Variants in BIN3 observed in about 807,000 individuals in gnomAD.
BIN3 encodes bridging integrator 3.
A neutral mutation model predicts 38.2 loss-of-function variants in BIN3; 41 were observed. The observed-to-expected ratio is 1.07, with a 90% confidence interval of 0.84 to 1.39. The LOEUF is 1.39. Ranked by LOEUF, BIN3 falls within the 40% of genes most tolerant of loss-of-function variation. The pLI is 0.00. For synonymous variants in BIN3, 145 were observed against 122.6 expected (o/e 1.18, Z -1.21); for missense variants, 361 against 324.3 (o/e 1.11, Z -0.87).
chr8:22,646,199 T>A (rs79202935), intron 1 of BIN3, among the ~76,000 whole-genome samples: 2,362 of 152,296 alleles, frequency 0.016, 23 homozygotes, highest in Non-Finnish European at 0.024. Flanking sequence ...GAGGCCAGGC[T>A]AGAAAGTGCA....
rs190878465 is a variant in BIN3 at position 22,656,267 on chromosome 8, G to A, written c.9-11464C>T. On this transcript the variant is annotated intron_variant, in intron 1 of 8. Transcript: ENST00000276416. Reference sequence around the variant, plus strand: ...TATCCATCTCCTCTACATTTATTTCGTTAAATATTAAGATCCCAAAATAAC... The same window carrying A: ...TATCCATCTCCTCTACATTTATTTCATTAAATATTAAGATCCCAAAATAAC... Among the ~76,000 whole-genome samples, 164 of 124,804 alleles carry A rather than the reference G, an allele frequency of 1.3e-3. 1 individual carries two copies. Among genetic ancestry groups the A allele is most frequent in the Middle Eastern group, 5.3e-3 (1 of 190 alleles). 81.9% of individuals were successfully genotyped at this position (124,804 alleles called of 152,430 possible). A position where few individuals can be genotyped will look rare whatever the true frequency, so the allele number is the denominator to read the frequency against.
chr8:22,662,750 A>T (rs549850271), intron 1 of BIN3, among the ~76,000 whole-genome samples: 2 of 152,334 alleles, frequency 1.3e-5, no homozygotes. Flanking sequence ...ATATACATAG[A>T]TCAAAATCAG....
At chr8:22,635,506 G>A (rs776749363) in intron 4 of BIN3, among the ~76,000 whole-genome samples, 2 of 152,138 alleles carry the variant, frequency 1.3e-5, no homozygotes, top group African/African-American at 4.8e-5. Context: ...GGAGCTGCAG[G>A]AGTCCACCCA....
At chr8:22,636,412 G>T in intron 4 of BIN3, 113 bp downstream of exon 4, 12 of 1,106,914 alleles carry the variant, frequency 1.1e-5, no homozygotes, top group Non-Finnish European at 1.6e-5. Context: ...CAGGACACTG[G>T]GTACACGTCC....
At chr8:22,649,871 AAATT>A (rs1360208028) in intron 1 of BIN3, among the ~76,000 whole-genome samples, 1 of 146,566 alleles carries the variant, frequency 6.8e-6, no homozygotes, top group African/African-American at 2.5e-5. Flanking sequence ...CCAAAGGAAA[AAATT>A]AACAGTAATA....
At chr8:22,653,576 C>A (rs1296726451) in intron 1 of BIN3, among the ~76,000 whole-genome samples, 2 of 152,186 alleles carry the variant, frequency 1.3e-5, no homozygotes, top group Admixed American at 6.5e-5. Context: ...GTCTTTACAA[C>A]GTACAGTTAA....
chr8:22,644,936 G>T, intron 1 of BIN3, 133 bp from the exon 2 acceptor site: 2 of 734,094 alleles, frequency 2.7e-6, no homozygotes, highest in Non-Finnish European at 2.3e-6. Flanking sequence ...CTTGGACCAT[G>T]TGCCCTGGTG....
At chr8:22,646,369 C>T (rs377761351) in intron 1 of BIN3, among the ~76,000 whole-genome samples, 14 of 152,104 alleles carry the variant, frequency 9.2e-5, no homozygotes, top group East Asian at 1.9e-4. Flanking sequence ...GCACCAGACC[C>T]GCTCCACCAG....
At chr8:22,659,038 C>A (rs1276997378) in intron 1 of BIN3, among the ~76,000 whole-genome samples, 1 of 152,240 alleles carries the variant, frequency 6.6e-6, no homozygotes, top group African/African-American at 2.4e-5. Context: ...AAGGCCACCA[C>A]CACCTTAACG....
chr8:22,663,963 T>C (rs561975224), intron 1 of BIN3, among the ~76,000 whole-genome samples: 20 of 152,362 alleles, frequency 1.3e-4, no homozygotes, highest in Non-Finnish European at 2.1e-4. Flanking sequence ...CGGCTGAAGA[T>C]AGAGATCGAC....
chr8:22,621,304 G>T lies in BIN3; in HGVS notation c.*118C>A. 8 of 1,352,262 alleles carry T rather than the reference G, an allele frequency of 5.9e-6. No homozygotes were observed. The South Asian group carries it at 1.0e-4, about 17-fold the overall frequency. 83.8% of individuals were successfully genotyped at this position (1,352,262 alleles called of 1,614,324 possible). A position where few individuals can be genotyped will look rare whatever the true frequency, so the allele number is the denominator to read the frequency against. On this transcript the variant is annotated 3_prime_UTR_variant, in exon 9 of 9. Coordinates refer to ENST00000276416, the MANE Select transcript of BIN3 (RefSeq NM_018688.6). ...GAAGAGTCATTCATTGCAAAGGGCCGGCAAGTGAACCAGGGCCACCTCTGT... is the reference window on the plus strand; with the variant it reads ...GAAGAGTCATTCATTGCAAAGGGCCTGCAAGTGAACCAGGGCCACCTCTGT...
chr8:22,644,390 G>C (rs778724187), intron 2 of BIN3, among the ~76,000 whole-genome samples: 11 of 152,332 alleles, frequency 7.2e-5, no homozygotes, highest in Middle Eastern at 3.4e-3. Flanking sequence ...ATAAATGCCT[G>C]GGCAGTGTCT....
chr8:22,650,781 AC>A (rs1802867096), intron 1 of BIN3, among the ~76,000 whole-genome samples: 1 of 152,176 alleles, frequency 6.6e-6, no homozygotes, highest in South Asian at 2.1e-4. Context: ...TTAGCTATTG[AC>A]TTTTTACTTC....
intron 1 of BIN3, among the ~76,000 whole-genome samples, chr8:22,646,944 G>A (rs1207909423): frequency 6.6e-6 from 1 of 152,196 alleles, no homozygotes; most frequent in East Asian, 1.9e-4. Context: ...GGTCCCAGTG[G>A]CATTGCAGAC....
intron 1 of BIN3, among the ~76,000 whole-genome samples, chr8:22,659,022 C>T (rs970270237): frequency 6.6e-6 from 1 of 152,216 alleles, no homozygotes; most frequent in Non-Finnish European, 1.5e-5. Context: ...TGGCCTGAGG[C>T]CCCACAAGGC....
chr8:22,628,881 A>T (rs1802091026), intron 6 of BIN3, among the ~76,000 whole-genome samples: 1 of 152,170 alleles, frequency 6.6e-6, no homozygotes, highest in Non-Finnish European at 1.5e-5. Context: ...TCTGCACCCC[A>T]GCTCCCTACG....
Position 22,629,877 on chromosome 8 carries a change from C to A in BIN3, c.338+87G>T. On this transcript the variant is annotated intron_variant, in intron 6 of 8. Coordinates refer to ENST00000276416, the MANE Select transcript of BIN3 (RefSeq NM_018688.6). ...GGCCCCATGGGAATCTGGGGACACG[C>A]AGCTAGAAATCCTCTTCAGTCCCCA... 4 of 1,299,562 alleles carry A rather than the reference C, an allele frequency of 3.1e-6. No individual in the cohort carries two copies. In the Middle Eastern group the frequency reaches 6.5e-4, roughly 210 times the overall value. 80.5% of individuals were successfully genotyped at this position (1,299,562 alleles called of 1,614,324 possible).
At chr8:22,661,032 C>T (rs1351032619) in intron 1 of BIN3, among the ~76,000 whole-genome samples, 3 of 152,122 alleles carry the variant, frequency 2.0e-5, no homozygotes, top group East Asian at 3.9e-4. Flanking sequence ...TACAGGCTTG[C>T]ACCACTACCC....
At chr8:22,665,535 G>C (rs1374981297) in intron 1 of BIN3, among the ~76,000 whole-genome samples, 2 of 152,226 alleles carry the variant, frequency 1.3e-5, no homozygotes, top group African/African-American at 4.8e-5. Context: ...AAGACCCTCA[G>C]AGAAGGTGAA....
Sources: gnomAD v4.1 joint callset for allele counts (sites outside exome capture counted in the v4.1 genomes callset) on GRCh38, gnomAD v4.1.1 for gene constraint, MANE v1.5 for transcripts, NCBI Gene and HGNC (gene_info 2026-07-23, HGNC 2026-07-21) for gene names.